Variants in XYLT1 observed in about 807,000 individuals in gnomAD.
The protein encoded by XYLT1 is xylosyltransferase 1.
In XYLT1, 36 loss-of-function variants were observed where a neutral mutation model predicts 91.3. That is an observed-to-expected ratio of 0.39 (90% CI 0.30 to 0.52). The LOEUF (loss-of-function observed/expected upper bound fraction) is 0.52. Among genes scored for constraint, XYLT1 ranks in the 20% least tolerant of loss-of-function variants. XYLT1 has a pLI of 0.68. For synonymous variants in XYLT1, 588 were observed against 532.0 expected (o/e 1.11, Z -1.45); for missense variants, 1,242 against 1,284.5 (o/e 0.97, Z 0.51).
intron 2 of XYLT1, among the ~76,000 whole-genome samples, chr16:17,310,937 A>G (rs956194297): frequency 6.6e-6 from 1 of 152,212 alleles, no homozygotes; most frequent in Non-Finnish European, 1.5e-5. Context: ...CATGTCCCAC[A>G]GCTCCATTCC....
intron 2 of XYLT1, among the ~76,000 whole-genome samples, chr16:17,323,146 G>T (rs2034749355): frequency 6.6e-6 from 1 of 152,228 alleles, no homozygotes; most frequent in Non-Finnish European, 1.5e-5. Context: ...CTTCATGGTG[G>T]CTGGTCTTTA....
At chr16:17,388,479 G>A (rs2035775716) in intron 1 of XYLT1, among the ~76,000 whole-genome samples, 1 of 152,128 alleles carries the variant, frequency 6.6e-6, no homozygotes, top group Admixed American at 6.6e-5. Context: ...GGTTCAGACA[G>A]ACCAGAGCTC....
intron 10 of XYLT1, among the ~76,000 whole-genome samples, chr16:17,118,568 T>C (rs1553087): frequency 0.28 from 42,631 of 151,996 alleles, 6,453 homozygotes; most frequent in East Asian, 0.61. Flanking sequence ...AGATCTGGAC[T>C]GTAAGCATGA....
At chr16:17,291,788 C>T (rs2034230987) in intron 2 of XYLT1, among the ~76,000 whole-genome samples, 1 of 152,004 alleles carries the variant, frequency 6.6e-6, no homozygotes, top group Non-Finnish European at 1.5e-5. Context: ...ATGCCATGTT[C>T]CAAAAAGGCT....
intron 2 of XYLT1, among the ~76,000 whole-genome samples, chr16:17,351,752 G>C (rs575399006): frequency 7.4e-5 from 11 of 149,592 alleles, no homozygotes; most frequent in African/African-American, 2.3e-4. Flanking sequence ...TTTTTTTTGG[G>C]GGGGGGTGCT....
intron 6 of XYLT1, among the ~76,000 whole-genome samples, chr16:17,157,999 G>A (rs540032926): frequency 2.7e-5 from 4 of 150,732 alleles, no homozygotes; most frequent in African/African-American, 7.4e-5. Flanking sequence ...TGCCCGCCTC[G>A]GCCTCCCAAA....
chr16:17,242,395 T>G (rs1346350673), intron 3 of XYLT1, among the ~76,000 whole-genome samples: 2 of 152,210 alleles, frequency 1.3e-5, no homozygotes, highest in African/African-American at 2.4e-5. Flanking sequence ...AATCCCTATG[T>G]TAAAGTGTAA....
chr16:17,337,308 C>T lies in XYLT1; in HGVS notation c.402+20704G>A, dbSNP rs138722598. Among the ~76,000 whole-genome samples, 322 of 152,216 alleles carry T rather than the reference C, an allele frequency of 2.1e-3. 2 individuals are homozygous for T. Among genetic ancestry groups the T allele is most frequent in the African/African-American group, 7.3e-3 (304 of 41,524 alleles). On this transcript the variant is annotated intron_variant, in intron 2 of 11. Coordinates refer to ENST00000261381, the MANE Select transcript of XYLT1 (RefSeq NM_022166.4). The stretch of plus-strand genomic sequence containing the variant: ...GTTCAAGCCAGCCTCCCACTTCAGC[C>T]TCCCAGGTAGCTGGAACTATAAGCA...
intron 1 of XYLT1, among the ~76,000 whole-genome samples, chr16:17,379,172 C>T (rs1264312585): frequency 6.6e-6 from 1 of 152,198 alleles, no homozygotes; most frequent in African/African-American, 2.4e-5. Flanking sequence ...CTTTCAAATG[C>T]TCCCCGGGCA....
At chr16:17,443,626 T>G (rs1289904296) in intron 1 of XYLT1, among the ~76,000 whole-genome samples, 1 of 152,172 alleles carries the variant, frequency 6.6e-6, no homozygotes, top group Non-Finnish European at 1.5e-5. Flanking sequence ...GGTGGTACCT[T>G]TATAGAAGTG....
rs115084605 is a variant in XYLT1, at chr16:17,114,402, G to A, written c.2557+3244C>T. Among the ~76,000 whole-genome samples the A allele has an allele frequency of 4.9e-3, 753 of 152,296 alleles. 5 individuals are homozygous for A. Among genetic ancestry groups the A allele is most frequent in the African/African-American group, 0.016 (659 of 41,554 alleles). ...GAGCCCTCACTCTGTGGTGTCTGAT[G>A]CTACCTCTGGGGTGGAGAGTGTTGG... On this transcript the variant is annotated intron_variant, in intron 11 of 11. Transcript: ENST00000261381.
At chr16:17,358,734 G>A (rs192414583) in intron 1 of XYLT1, among the ~76,000 whole-genome samples, 11 of 152,250 alleles carry the variant, frequency 7.2e-5, no homozygotes, top group South Asian at 2.1e-4. Flanking sequence ...GTTTGGCTCC[G>A]TAAGAGGATT....
rs1427443765 is a variant in XYLT1 at position 17,379,749 on chromosome 16, TC to T, written c.364-21700del. Among the ~76,000 whole-genome samples the T allele has an allele frequency of 4.6e-4, 59 of 129,548 alleles. 1 individual carries two copies. Among genetic ancestry groups the T allele is most frequent in the African/African-American group, 1.8e-3 (59 of 32,170 alleles). 85.0% of individuals were successfully genotyped at this position (129,548 alleles called of 152,430 possible). A position where few individuals can be genotyped will look rare whatever the true frequency, so the allele number is the denominator to read the frequency against. ...GGATATCTCTCTCTCTCTCTCTCTC[TC>T]TCTCTCTCTCTCTCACACACACACA... is the stretch of plus-strand genomic sequence containing the variant. On this transcript the variant is annotated intron_variant, in intron 1 of 11. Transcript: ENST00000261381.
chr16:17,370,836 T>G (rs1215805363), intron 1 of XYLT1, among the ~76,000 whole-genome samples: 1 of 152,192 alleles, frequency 6.6e-6, no homozygotes, highest in African/African-American at 2.4e-5. Flanking sequence ...AAATCCAGCA[T>G]TTTCCTAAGG....
intron 1 of XYLT1, among the ~76,000 whole-genome samples, chr16:17,423,498 C>A (rs1017592780): frequency 2.0e-5 from 3 of 152,216 alleles, no homozygotes; most frequent in Non-Finnish European, 4.4e-5. Flanking sequence ...CCCTGTCATC[C>A]TTGGGACTGT....
intron 10 of XYLT1, among the ~76,000 whole-genome samples, chr16:17,118,904 A>C (rs1597131421): frequency 6.6e-6 from 1 of 151,618 alleles, no homozygotes; most frequent in South Asian, 2.1e-4. Context: ...TGTGTGGAAT[A>C]CTCCTTTCTT....
chr16:17,332,526 C>T (rs994978116), intron 2 of XYLT1, among the ~76,000 whole-genome samples: 5 of 151,406 alleles, frequency 3.3e-5, no homozygotes, highest in African/African-American at 9.7e-5. Flanking sequence ...CGTGCCACTG[C>T]GCTCCAGCCT....
At chr16:17,138,319 C>T in intron 8 of XYLT1, 36 bp downstream of exon 8, 1 of 1,590,366 alleles carries the variant, frequency 6.3e-7, no homozygotes, top group South Asian at 1.1e-5. Flanking sequence ...GGGAAGGCAT[C>T]ACTTAGGAGG....
chr16:17,305,206 G>A (rs1041210805), intron 2 of XYLT1, among the ~76,000 whole-genome samples: 3 of 152,100 alleles, frequency 2.0e-5, no homozygotes, highest in African/African-American at 7.2e-5. Flanking sequence ...CCCAGGACAG[G>A]ATGGGAGTCA....
Sources: allele counts gnomAD v4.1 joint callset (sites outside exome capture counted in the v4.1 genomes callset), GRCh38; gene constraint gnomAD v4.1.1; transcripts MANE v1.5; gene names NCBI Gene and HGNC (gene_info 2026-07-23, HGNC 2026-07-21).